The following ADGRA2 variants were observed in gnomAD, a reference collection of about 807,000 sequenced individuals.
The protein encoded by ADGRA2 is adhesion G protein-coupled receptor A2, also known as G-protein coupled receptor 124.
A neutral mutation model predicts 98.7 loss-of-function variants in ADGRA2; 61 were observed. The ratio of observed to expected loss-of-function variants is 0.62; its 90% CI spans 0.50 to 0.76. ADGRA2 has a LOEUF of 0.76. Ranked by LOEUF, ADGRA2 falls within the 30% of genes least tolerant of loss-of-function variation. ADGRA2 has a pLI of 0.00. For missense variants in ADGRA2, 1,712 were observed against 1,860.0 expected (o/e 0.92, Z 1.46); for synonymous variants, 858 against 831.5 (o/e 1.03, Z -0.55).
intron 2 of ADGRA2, among the ~76,000 whole-genome samples, chr8:37,823,632 C>CCCATA (rs1269632872): frequency 1.3e-5 from 2 of 152,232 alleles, no homozygotes; most frequent in Admixed American, 1.3e-4. Context: ...GTAACCCGAA[C>CCCATA]TGTGAAACTG....
At position 37,837,640 on chromosome 8, in the gene ADGRA2, C is replaced by T. The variant is rs535252337; in HGVS notation, c.2051-91C>T. Reference sequence around the variant, plus strand: ...CTGCCTGGCAGGTGCCTAGTACACACCCTGTCACTGCTGCTGCTGCTGAGT... The same window carrying T: ...CTGCCTGGCAGGTGCCTAGTACACATCCTGTCACTGCTGCTGCTGCTGAGT... On this transcript the variant is annotated intron_variant, in intron 13 of 18. Transcript: ENST00000412232. 4 of 1,088,530 alleles carry T rather than the reference C, an allele frequency of 3.7e-6. No homozygotes were observed. In the African/African-American group the frequency reaches 6.2e-5, roughly 17 times the overall value. The allele number at this position is 1,088,530 out of a possible 1,614,324, so 67.4% of individuals were successfully genotyped here.
chr8:37,834,181 T>C lies in ADGRA2; in HGVS notation c.1608+53T>C. The C allele has an allele frequency of 2.7e-6, 4 of 1,506,392 alleles. No homozygotes were observed. Among genetic ancestry groups the C allele is most frequent in the Non-Finnish European group, 3.6e-6 (4 of 1,107,778 alleles). 93.3% of individuals were successfully genotyped at this position (1,506,392 alleles called of 1,614,324 possible). ...CCTGGCATGCAGAGGAGGGAGGCGCTCCCTCTCAGGCGTGCACCTGCCGTG... is the reference window on the plus strand; with the variant it reads ...CCTGGCATGCAGAGGAGGGAGGCGCCCCCTCTCAGGCGTGCACCTGCCGTG... On this transcript the variant is annotated intron_variant, in intron 11 of 18. Coordinates refer to ENST00000412232, the MANE Select transcript of ADGRA2 (RefSeq NM_032777.10). The surrounding 1 kb of genome is among the most constrained non-coding windows in gnomAD (Gnocchi z 4.2).
Position 37,829,263 on chromosome 8 carries a change from A to T in ADGRA2, c.413A>T (p.Asp138Val). The change falls in exon 4 of 19, where the codon GAT becomes GTT. Residue 138 changes from aspartate to valine, a missense_variant and splice_region_variant. Asp to Val is a radical substitution (Grantham distance 152, BLOSUM62 -3). Coordinates refer to ENST00000412232, the MANE Select transcript of ADGRA2 (RefSeq NM_032777.10). ...FLGLGELKRL[D>V]LSNNRIGCLT... is the part of the protein sequence containing the mutation. Reference sequence around the variant, plus strand: ...TGAGGTTGCCTGTGTCTCTCTAGAGATCTCTCCAACAACCGGATTGGCTGT... The same window carrying T: ...TGAGGTTGCCTGTGTCTCTCTAGAGTTCTCTCCAACAACCGGATTGGCTGT... 2 of 1,612,388 alleles carry T rather than the reference A, an allele frequency of 1.2e-6. No individual in the cohort carries two copies. Among genetic ancestry groups the T allele is most frequent in the South Asian group, 1.1e-5 (1 of 90,980 alleles).
At position 37,830,649 on chromosome 8, in the gene ADGRA2, C is replaced by T. The variant is rs544613453; in HGVS notation, c.719-61C>T. 3.6e-5 allele frequency: 30 copies of T among 826,246 alleles called. No homozygotes were observed. The highest frequency in any genetic ancestry group is 2.2e-4 in the African/African-American group (13 of 58,316). The allele number at this position is 826,246 out of a possible 1,614,324, so 51.2% of individuals were successfully genotyped here. On this transcript the variant is annotated intron_variant, in intron 6 of 18. Transcript: ENST00000412232. The surrounding 1 kb of genome is among the most constrained non-coding windows in gnomAD (Gnocchi z 4.8). ...CACCCCATCCTGCTGGACTCTCGCT[C>T]ACACGTGCAGCCTCACATGCGTGTG...
intron 1 of ADGRA2, among the ~76,000 whole-genome samples, chr8:37,809,243 T>C (rs1804758266): frequency 6.6e-6 from 1 of 151,766 alleles, no homozygotes; most frequent in African/African-American, 2.4e-5. Context: ...CTGCAGTGAT[T>C]TGTGATCATG....
intron 2 of ADGRA2, among the ~76,000 whole-genome samples, chr8:37,826,431 G>A (rs1488224482): frequency 6.6e-6 from 1 of 152,140 alleles, no homozygotes; most frequent in East Asian, 1.9e-4. Context: ...GTCCTGGCAC[G>A]GTCCCTGTGT....
In ADGRA2 at chr8:37,829,579, T is replaced by C; in HGVS notation, c.554+20T>C. ...GGTTGTGTGAGTATCTCTTCCTAGC[T>C]CAAGGACCCAGACCCCTGTCCCTTT... On this transcript the variant is annotated intron_variant, in intron 5 of 18. Transcript: ENST00000412232. 6.4e-7 allele frequency: 1 copy of C among 1,559,172 alleles called. No homozygotes were observed. Among genetic ancestry groups the C allele is most frequent in the Non-Finnish European group, 8.9e-7 (1 of 1,129,916 alleles).
chr8:37,807,451 A>C (rs1804709269), intron 1 of ADGRA2, among the ~76,000 whole-genome samples: 1 of 152,250 alleles, frequency 6.6e-6, no homozygotes, highest in South Asian at 2.1e-4. Context: ...CTAATGACAT[A>C]GTATGACATT....
chr8:37,844,448 C>A lies in ADGRA2; in HGVS notation c.*2093C>A. ...TCCTTGGTTATAACAGGAATGTTAT[C>A]AAGCTGTCAGAACAGGATGAAGTGC... On this transcript the variant is annotated 3_prime_UTR_variant, in exon 19 of 19. Transcript: ENST00000412232. 2 of 1,592,414 alleles carry A rather than the reference C, an allele frequency of 1.3e-6. No individual in the cohort carries two copies. The highest frequency in any genetic ancestry group is 1.7e-5 in the Admixed American group (1 of 58,968).
At chr8:37,826,368 G>A (rs535342191) in intron 2 of ADGRA2, among the ~76,000 whole-genome samples, 3 of 152,268 alleles carry the variant, frequency 2.0e-5, no homozygotes, top group Admixed American at 2.0e-4. Flanking sequence ...ACCCCTGGCA[G>A]CCAGGATACT....
At chr8:37,835,473 A>G (rs1805582564) in intron 12 of ADGRA2, 75 bp downstream of exon 12, 2 of 1,479,346 alleles carry the variant, frequency 1.4e-6, no homozygotes, top group Non-Finnish European at 1.9e-6. Flanking sequence ...GGGCAGTGAG[A>G]GGAGGTGGGA....
Position 37,844,813 on chromosome 8 carries a change from G to A in ADGRA2, c.*2458G>A, listed in dbSNP as rs145626361. 8.4e-5 allele frequency: 135 copies of A among 1,613,964 alleles called. 1 individual carries two copies. The highest frequency in any genetic ancestry group is 1.6e-4 in the Middle Eastern group (1 of 6,084). On this transcript the variant is annotated 3_prime_UTR_variant, in exon 19 of 19. Coordinates refer to ENST00000412232, the MANE Select transcript of ADGRA2 (RefSeq NM_032777.10). ...GTCTCCACTTCTGCTGTCCCATCCC[G>A]AAAGGCAGAGCGGACCAGTGACTGG...
chr8:37,835,607 TC>T lies in ADGRA2; in HGVS notation c.1889del (p.Pro630ArgfsTer62). On this transcript the variant is annotated frameshift_variant, in exon 13 of 19. Transcript: ENST00000412232. LOFTEE classifies it high-confidence loss of function. ...TGCCCCCGAGTCTATTCTCATCCCT[TC>T]CGGCTGCCCTGGCTCCCCCGGTGCC... ...QLPPSLFSSL[P>X]AALAPPVPPD... 6.2e-7 allele frequency: 1 copy of T among 1,613,868 alleles called. No individual in the cohort carries two copies. The highest frequency in any genetic ancestry group is 8.5e-7 in the Non-Finnish European group (1 of 1,179,816).
intron 2 of ADGRA2, among the ~76,000 whole-genome samples, chr8:37,827,226 C>T (rs1443207310): frequency 6.6e-6 from 1 of 152,244 alleles, no homozygotes; most frequent in Non-Finnish European, 1.5e-5. Context: ...GGCAACTGGC[C>T]CCACCCACTC....
chr8:37,831,719 T>C, intron 8 of ADGRA2, 132 bp downstream of exon 8: 1 of 742,990 alleles, frequency 1.3e-6, no homozygotes, highest in Non-Finnish European at 2.2e-6. Context: ...ACACTTCCTT[T>C]TGTCATTCAG....
chr8:37,818,250 A>G (rs1205509472), intron 2 of ADGRA2, among the ~76,000 whole-genome samples: 1 of 152,084 alleles, frequency 6.6e-6, no homozygotes, highest in East Asian at 1.9e-4. Flanking sequence ...ACCTCCCACA[A>G]TGGCTCTTCC....
Position 37,840,130 on chromosome 8 carries a change from A to T in ADGRA2, c.2521A>T (p.Thr841Ser). 1 of 1,601,068 alleles carries T rather than the reference A, an allele frequency of 6.2e-7. No individual in the cohort carries two copies. The highest frequency in any genetic ancestry group is 2.2e-5 in the East Asian group (1 of 44,834). ...TGCCTTGACCCCGCAGGTGGGCATC[A>T]CCCTGCACTACTCCTCCCTATCCAC... is the stretch of plus-strand genomic sequence containing the variant. ...YQMVCQAVGI[T>S]LHYSSLSTLL... is the part of the protein sequence containing the mutation. The change falls in exon 17 of 19, where the codon ACC becomes TCC. Residue 841 changes from threonine (T) to serine (S), a missense_variant. Transcript: ENST00000412232.
rs148297822 is a variant in ADGRA2 at position 37,797,508 on chromosome 8, C to T, written c.240C>T (p.Gly80=). 2.1e-6 allele frequency: 3 copies of T among 1,404,552 alleles called. No individual in the cohort carries two copies. The highest frequency in any genetic ancestry group is 1.9e-6 in the Non-Finnish European group (2 of 1,075,884). The allele number at this position is 1,404,552 out of a possible 1,614,324, so 87.0% of individuals were successfully genotyped here. ...ACCTCCCGGAGCCTCCCGAGCCCGG[C>T]CTTCTGCCTAACGGCACCGTTACCC... ...GGDLPEPPEP[G]LLPNGTVTLL... The change falls in exon 1 of 19, where the codon GGC becomes GGT. Residue 80 remains glycine (G), a synonymous_variant. Coordinates refer to ENST00000412232, the MANE Select transcript of ADGRA2 (RefSeq NM_032777.10). The surrounding 1 kb of genome is among the most constrained non-coding windows in gnomAD (Gnocchi z 5.3).
At chr8:37,822,956 A>T (rs1259056082) in intron 2 of ADGRA2, among the ~76,000 whole-genome samples, 1 of 146,126 alleles carries the variant, frequency 6.8e-6, no homozygotes, top group East Asian at 2.0e-4. Context: ...CAGTGGTGCG[A>T]TCTCGGCTTG....
Sources: gnomAD v4.1 joint callset for allele counts (sites outside exome capture counted in the v4.1 genomes callset) on GRCh38, gnomAD v4.1.1 for gene constraint, Gnocchi (gnomAD v3.1) non-coding constraint, MANE v1.5 for transcripts, NCBI Gene and HGNC (gene_info 2026-07-23, HGNC 2026-07-21) for gene names.